The following AJAP1 variants were observed in gnomAD, a reference collection of about 807,000 sequenced individuals.
AJAP1 encodes adherens junctions associated protein 1, also known as adherens junction-associated protein 1.
Under a neutral mutation model 35.0 loss-of-function variants are expected in AJAP1, and 5 were observed. That is an observed-to-expected ratio of 0.14 (90% CI 0.07 to 0.30). The LOEUF is 0.30. AJAP1 is among the 10% of genes least tolerant of loss of function. The probability of loss-of-function intolerance (pLI) is 1.00; values close to 1 mark genes in which losing one functional copy is unlikely to be tolerated. For synonymous variants in AJAP1, 284 were observed against 249.3 expected, an observed-to-expected ratio of 1.14 and a Z score of -1.31; for missense variants, 586 against 571.0, an observed-to-expected ratio of 1.03 and a Z score of -0.27.
chr1:4,724,584 T>C (rs933530019), intron 2 of AJAP1, among the ~76,000 whole-genome samples: 6 of 151,832 alleles, frequency 4.0e-5, no homozygotes, highest in African/African-American at 1.5e-4. Context: ...TAATTGCCAG[T>C]GTCATCTGCC....
At chr1:4,738,539 G>C (rs1557633528) in intron 2 of AJAP1, among the ~76,000 whole-genome samples, 3 of 152,194 alleles carry the variant, frequency 2.0e-5, no homozygotes, top group Admixed American at 6.5e-5. Context: ...AGGCAGATTT[G>C]GTGGGAAGGA....
At position 4,668,314 on chromosome 1, in the gene AJAP1, G is replaced by T. The variant is rs1236589967; in HGVS notation, c.29+12860G>T. On this transcript the variant is annotated intron_variant, in intron 1 of 5. Transcript: ENST00000378191. ...AGCCCTCTTCTTAAAGTAGCTTAGA[G>T]AGCAGTGCTGTGTGTGTGTGTGCGT... Among the ~76,000 whole-genome samples, 4 of 138,334 alleles carry T rather than the reference G, an allele frequency of 2.9e-5. No homozygotes were observed. In the East Asian group the frequency reaches 8.0e-4, roughly 28 times the overall value. The allele number at this position is 138,334 out of a possible 152,430, so 90.8% of individuals were successfully genotyped here. A position where few individuals can be genotyped will look rare whatever the true frequency, so the allele number is the denominator to read the frequency against.
rs1642212466 is a variant in AJAP1, at chr1:4,788,985, G to C, written c.*6500G>C. ...AAGCATAAAATGAATCCTCCCTGTA[G>C]CTCCATTGCCTTTTCCTCGTGAAGG... is the stretch of plus-strand genomic sequence containing the variant. On this transcript the variant is annotated 3_prime_UTR_variant, in exon 6 of 6. Coordinates refer to ENST00000378191, the MANE Select transcript of AJAP1 (RefSeq NM_018836.4). 1 of 152,202 alleles carries C rather than the reference G, an allele frequency of 6.6e-6. No individual in the cohort carries two copies. Among genetic ancestry groups the C allele is most frequent in the Non-Finnish European group, 1.5e-5 (1 of 68,066 alleles). The allele number at this position is 152,202 out of a possible 1,614,324, so 9.4% of individuals were successfully genotyped here.
intron 5 of AJAP1, among the ~76,000 whole-genome samples, chr1:4,781,291 C>A (rs1642058499): frequency 6.6e-6 from 1 of 152,178 alleles, no homozygotes; most frequent in African/African-American, 2.4e-5. Flanking sequence ...GCACCCTTGT[C>A]TTTGGGAAGA....
intron 1 of AJAP1, among the ~76,000 whole-genome samples, chr1:4,701,804 C>T (rs900071179): frequency 6.6e-6 from 1 of 152,170 alleles, no homozygotes; most frequent in Admixed American, 6.5e-5. Context: ...ACGTGGTTCA[C>T]GGAGGCCTGA....
chr1:4,687,534 AAGAC>A (rs1460731720), intron 1 of AJAP1, among the ~76,000 whole-genome samples: 1 of 152,160 alleles, frequency 6.6e-6, no homozygotes, highest in Non-Finnish European at 1.5e-5. Flanking sequence ...GTGACCAAAT[AAGAC>A]AGAGAAGGAA....
intron 2 of AJAP1, among the ~76,000 whole-genome samples, chr1:4,748,860 G>A (rs557053610): frequency 1.7e-3 from 264 of 152,126 alleles, no homozygotes; most frequent in African/African-American, 6.0e-3. Flanking sequence ...TGCAGCAAAA[G>A]GCACCATCTT....
chr1:4,688,771 C>CAA (rs5772177), intron 1 of AJAP1, among the ~76,000 whole-genome samples: 50 of 87,872 alleles, frequency 5.7e-4, no homozygotes, highest in Middle Eastern at 6.9e-3. Flanking sequence ...GACTCCGTCT[C>CAA]AAAAAAAAAA....
chr1:4,723,161 A>C lies in AJAP1; in HGVS notation c.829+10462A>C, dbSNP rs1282567030. ...GGGTCCCTGAGGTTTTAGTCTGAGC[A>C]ACTCTTTCTTCAGCTGAAAGGGGTG... On this transcript the variant is annotated intron_variant, in intron 2 of 5. Coordinates refer to ENST00000378191, the MANE Select transcript of AJAP1 (RefSeq NM_018836.4). This position sits in a 1 kb window ranked among gnomAD's most constrained non-coding sequence, Gnocchi z 4.3. Among the ~76,000 whole-genome samples the C allele has an allele frequency of 6.6e-6, 1 of 152,154 alleles. No individual in the cohort carries two copies. The highest frequency in any genetic ancestry group is 2.4e-5 in the African/African-American group (1 of 41,428).
rs141390632 is a variant in AJAP1, at chr1:4,778,571, A to ATCTCTCTCTCTCTC, written c.*60-3944_*60-3931dup. Among the ~76,000 whole-genome samples the ATCTCTCTCTCTCTC allele has an allele frequency of 1.2e-3, 177 of 142,876 alleles. 1 individual carries two copies. The highest frequency in any genetic ancestry group is 7.5e-3 in the Middle Eastern group (2 of 266). The allele number at this position is 142,876 out of a possible 152,430, so 93.7% of individuals were successfully genotyped here. A position where few individuals can be genotyped will look rare whatever the true frequency, so the allele number is the denominator to read the frequency against. ...TCATTCAAGGTGCAGGATTGGCGCC[A>ATCTCTCTCTCTCTC]TCTCTCTCTCTCTCTCTCTCTCTCT... On this transcript the variant is annotated intron_variant, in intron 5 of 5. Coordinates refer to ENST00000378191, the MANE Select transcript of AJAP1 (RefSeq NM_018836.4).
At position 4,674,916 on chromosome 1, in the gene AJAP1, G is replaced by C. The variant is rs60704838; in HGVS notation, c.29+19462G>C. ...TTTTGACATTCAGCGTTTTCAAACA[G>C]AGATTCTGCACAGGGCGTGAGTCAC... On this transcript the variant is annotated intron_variant, in intron 1 of 5. Coordinates refer to ENST00000378191, the MANE Select transcript of AJAP1 (RefSeq NM_018836.4). Among the ~76,000 whole-genome samples the C allele has an allele frequency of 2.3e-4, 35 of 152,320 alleles. No individual in the cohort carries two copies. In the East Asian group the frequency reaches 4.6e-3, roughly 20 times the overall value.
Position 4,785,794 on chromosome 1 carries a change from G to A in AJAP1, c.*3309G>A, listed in dbSNP as rs1357410896. The A allele has an allele frequency of 2.0e-5, 3 of 152,260 alleles. No homozygotes were observed. Among genetic ancestry groups the A allele is most frequent in the Non-Finnish European group, 4.4e-5 (3 of 68,046 alleles). 9.4% of individuals were successfully genotyped at this position (152,260 alleles called of 1,614,324 possible). ...TTATTCCTCAAGAAAAGAACTCCAA[G>A]GAAGGGTGATGTGGTTTGTTAGGGT... On this transcript the variant is annotated 3_prime_UTR_variant, in exon 6 of 6. Transcript: ENST00000378191.
intron 1 of AJAP1, among the ~76,000 whole-genome samples, chr1:4,706,530 G>T (rs546268583): frequency 8.9e-4 from 135 of 152,276 alleles, no homozygotes; most frequent in Admixed American, 2.0e-3. Flanking sequence ...GAACGGCTGG[G>T]GTGGATTGGC....
Position 4,685,215 on chromosome 1 carries a change from C to T in AJAP1, c.30-26685C>T, listed in dbSNP as rs143914525. On this transcript the variant is annotated intron_variant, in intron 1 of 5. Coordinates refer to ENST00000378191, the MANE Select transcript of AJAP1 (RefSeq NM_018836.4). ...TGAAATGCTCCAAGTCCATAAATCA[C>T]GGAAAACAAGGACATAACCTTGGTT... is the stretch of plus-strand genomic sequence containing the variant. 3.9e-5 allele frequency among the ~76,000 whole-genome samples: 6 copies of T among 152,286 alleles called. No individual in the cohort carries two copies. The East Asian group carries it at 5.8e-4, about 15-fold the overall frequency.
At chr1:4,754,099 T>C (rs1482854232) in intron 2 of AJAP1, among the ~76,000 whole-genome samples, 2 of 152,234 alleles carry the variant, frequency 1.3e-5, no homozygotes, top group African/African-American at 4.8e-5. Flanking sequence ...GGACCAATCC[T>C]GCCTGGTTCC....
At chr1:4,685,108 G>A (rs759325769) in intron 1 of AJAP1, among the ~76,000 whole-genome samples, 4 of 152,148 alleles carry the variant, frequency 2.6e-5, no homozygotes, top group South Asian at 2.1e-4. Flanking sequence ...TCTGTCCAGC[G>A]TCCAGCATCT....
chr1:4,762,106 A>G (rs1373779977), intron 2 of AJAP1, among the ~76,000 whole-genome samples: 1 of 152,254 alleles, frequency 6.6e-6, no homozygotes, highest in Non-Finnish European at 1.5e-5. Flanking sequence ...ACAAGGTCTT[A>G]GTTATACCTA....
At chr1:4,683,157 C>G (rs989985840) in intron 1 of AJAP1, among the ~76,000 whole-genome samples, 1 of 152,218 alleles carries the variant, frequency 6.6e-6, no homozygotes, top group Non-Finnish European at 1.5e-5. Flanking sequence ...TACTCCCCTT[C>G]TCTGTGCCTC....
chr1:4,778,002 C>T (rs939418900), intron 5 of AJAP1, among the ~76,000 whole-genome samples: 1 of 152,158 alleles, frequency 6.6e-6, no homozygotes, highest in Non-Finnish European at 1.5e-5. Context: ...GGACACCTGG[C>T]GGTAGCCTGT....
Sources: allele counts gnomAD v4.1 joint callset (sites outside exome capture counted in the v4.1 genomes callset), GRCh38; gene constraint gnomAD v4.1.1; non-coding constraint Gnocchi (gnomAD v3.1); transcripts MANE v1.5; gene names NCBI Gene and HGNC (gene_info 2026-07-23, HGNC 2026-07-21).